The following UNC13B variants were observed in gnomAD, a reference collection of about 807,000 sequenced individuals.
UNC13B encodes protein unc-13 homolog B.
UNC13B carries 144 observed loss-of-function variants against 211.0 expected under a neutral mutation model. That is an observed-to-expected ratio of 0.68 (90% CI 0.60 to 0.78). The LOEUF (loss-of-function observed/expected upper bound fraction) is 0.78, where lower values mean the gene tolerates loss of function less well. UNC13B is among the 30% of genes least tolerant of loss of function. The pLI is 0.00. For synonymous variants in UNC13B, 709 were observed against 725.8 expected (o/e 0.98, Z 0.37); for missense variants, 1,777 against 2,002.0 (o/e 0.89, Z 2.14).
intron 11 of UNC13B, 129 bp downstream of exon 11, chr9:35,314,118 A>T: frequency 1.3e-6 from 1 of 769,840 alleles, no homozygotes; most frequent in Non-Finnish European, 2.3e-6. Context: ...ATGACAATTA[A>T]GCCAGAGCTT....
intron 6 of UNC13B, 143 bp downstream of exon 6, chr9:35,243,507 A>C: frequency 1.3e-6 from 1 of 785,454 alleles, no homozygotes; most frequent in Middle Eastern, 2.7e-4. Context: ...GGCAGCTAGA[A>C]GATTGCCTGA....
chr9:35,249,936 G>A (rs1826358832), intron 6 of UNC13B, among the ~76,000 whole-genome samples: 1 of 151,346 alleles, frequency 6.6e-6, no homozygotes, highest in Non-Finnish European at 1.5e-5. Flanking sequence ...CCACTGTGCT[G>A]TTTATCTTTT....
chr9:35,307,995 T>G lies in UNC13B; in HGVS notation c.8591T>G (p.Val2864Gly). Residue 2864 changes from valine to glycine, a missense_variant, in exon 9 of 40, where the codon GTT (valine) becomes GGT (glycine). By Grantham distance (109) the Val-to-Gly change is moderately radical. Transcript: ENST00000635942. ...EQMPTESSPP[V>G]LVTSSDQDLN... ...ATGCCTACAGAATCCTCCCCTCCAG[T>G]TTTAGTTACTAGCAGTGATCAGGAC... 1 of 399,000 alleles carries G rather than the reference T, an allele frequency of 2.5e-6. No individual in the cohort carries two copies. The allele number at this position is 399,000 out of a possible 1,614,324, so 24.7% of individuals were successfully genotyped here.
chr9:35,382,246 A>C, intron 20 of UNC13B, 111 bp from the exon 21 acceptor site: 22 of 1,364,164 alleles, frequency 1.6e-5, no homozygotes, highest in East Asian at 2.3e-5. Context: ...AAGAGAGGGC[A>C]GCAATTGCCC....
rs1829747374 is a variant in UNC13B at position 35,302,749 on chromosome 9, G to A, written c.3345G>A (p.Glu1115=). ...ASSVASDSSL[E]CISTTSKSTL... is the part of the protein sequence containing the mutation. ...CAGTAGCATCAGACTCTTCATTAGA[G>A]TGTATTTCTACCACTTCCAAATCCA... The change falls in exon 9 of 40, where the codon GAG becomes GAA. Residue 1115 remains glutamate, a synonymous_variant. Coordinates refer to ENST00000635942, the MANE Select transcript of UNC13B (RefSeq NM_001371189.2). 2 of 398,506 alleles carry A rather than the reference G, an allele frequency of 5.0e-6. No individual in the cohort carries two copies. The highest frequency in any genetic ancestry group is 8.9e-6 in the Non-Finnish European group (2 of 225,748). 24.7% of individuals were successfully genotyped at this position (398,506 alleles called of 1,614,324 possible). A position where few individuals can be genotyped will look rare whatever the true frequency, so the allele number is the denominator to read the frequency against.
At chr9:35,387,107 ACT>A (rs1835238016) in intron 24 of UNC13B, among the ~76,000 whole-genome samples, 1 of 152,066 alleles carries the variant, frequency 6.6e-6, no homozygotes, top group South Asian at 2.1e-4. Flanking sequence ...CATATATATA[ACT>A]CTAATCAAAA....
chr9:35,355,857 C>CTTCT lies in UNC13B; in HGVS notation c.9415-11088_9415-11085dup, dbSNP rs1014837098. Among the ~76,000 whole-genome samples the CTTCT allele has an allele frequency of 8.5e-5, 13 of 152,194 alleles. 1 individual carries two copies. The highest frequency in any genetic ancestry group is 1.0e-4 in the Non-Finnish European group (7 of 68,036). Reference sequence around the variant, plus strand: ...AGAAACAACAAATATCAAAGCAATACTTCTTACAAGCTCTTTAAATATTGG... The same window carrying CTTCT: ...AGAAACAACAAATATCAAAGCAATACTTCTTTCTTACAAGCTCTTTAAATATTGG... On this transcript the variant is annotated intron_variant, in intron 11 of 39. Coordinates refer to ENST00000635942, the MANE Select transcript of UNC13B (RefSeq NM_001371189.2).
At chr9:35,186,298 G>A (rs530868108) in intron 1 of UNC13B, among the ~76,000 whole-genome samples, 10 of 151,842 alleles carry the variant, frequency 6.6e-5, no homozygotes, top group African/African-American at 2.2e-4. Flanking sequence ...TGGCTTTCAC[G>A]GCTCCCTTAT....
chr9:35,230,996 T>C (rs1376442147), intron 2 of UNC13B, 124 bp from the exon 3 acceptor site: 5 of 623,540 alleles, frequency 8.0e-6, no homozygotes, highest in African/African-American at 7.3e-5. Context: ...TTGTACAATA[T>C]AGCTTAATTT....
rs753313955 is a variant in UNC13B at position 35,381,602 on chromosome 9, G to A, written c.10538G>A (p.Arg3513His). 6.2e-6 allele frequency: 10 copies of A among 1,614,068 alleles called. No homozygotes were observed. The highest frequency in any genetic ancestry group is 1.6e-4 in the Middle Eastern group (1 of 6,084). The change falls in exon 20 of 40, where the codon CGC becomes CAC. Residue 3513 changes from arginine to histidine, a missense_variant. Arg to His is a conservative substitution (Grantham distance 29). Transcript: ENST00000635942. ...LTDIQGSGGV[R>H]IPEARGDDAW... ...GACATTCAGGGCAGTGGAGGAGTCCGCATCCCTGAAGCTCGAGGAGACGAT... is the reference window on the plus strand; with the variant it reads ...GACATTCAGGGCAGTGGAGGAGTCCACATCCCTGAAGCTCGAGGAGACGAT...
At chr9:35,263,187 T>G (rs1313621142) in intron 7 of UNC13B, among the ~76,000 whole-genome samples, 2 of 152,136 alleles carry the variant, frequency 1.3e-5, no homozygotes, top group Non-Finnish European at 2.9e-5. Flanking sequence ...AAGATATATG[T>G]GCAAAGATGT....
intron 29 of UNC13B, 86 bp downstream of exon 29, chr9:35,397,396 T>C (rs1835955621): frequency 1.9e-6 from 3 of 1,563,396 alleles, no homozygotes; most frequent in Non-Finnish European, 2.6e-6. Flanking sequence ...ACCTCTCCAC[T>C]GTGGCCTCCT....
intron 1 of UNC13B, among the ~76,000 whole-genome samples, chr9:35,176,823 C>A (rs1182923318): frequency 6.6e-6 from 1 of 152,032 alleles, no homozygotes; most frequent in Non-Finnish European, 1.5e-5. Flanking sequence ...TCAGAGAAGT[C>A]CTCCCTAATG....
chr9:35,205,031 A>G (rs1051867252), intron 1 of UNC13B, among the ~76,000 whole-genome samples: 11 of 152,198 alleles, frequency 7.2e-5, no homozygotes, highest in Admixed American at 3.9e-4. Flanking sequence ...TGGAGTTCTC[A>G]TGAATGGGTT....
intron 18 of UNC13B, among the ~76,000 whole-genome samples, 164 bp downstream of exon 18, chr9:35,380,803 A>C (rs986155843): frequency 2.6e-5 from 4 of 152,140 alleles, no homozygotes; most frequent in Non-Finnish European, 5.9e-5. Context: ...GGGACAGAGG[A>C]GTGGCAGTGG....
At chr9:35,382,666 G>C (rs979525653) in intron 21 of UNC13B, among the ~76,000 whole-genome samples, 159 bp downstream of exon 21, 2 of 151,300 alleles carry the variant, frequency 1.3e-5, no homozygotes, top group African/African-American at 2.4e-5. Flanking sequence ...GGGTTCAAGC[G>C]ATTCTCCTTT....
chr9:35,300,749 G>A lies in UNC13B; in HGVS notation c.1345G>A (p.Glu449Lys), dbSNP rs1006026340. The A allele has an allele frequency of 1.5e-5, 6 of 398,812 alleles. No homozygotes were observed. Among genetic ancestry groups the A allele is most frequent in the African/African-American group, 1.2e-4 (6 of 48,612 alleles). The allele number at this position is 398,812 out of a possible 1,614,324, so 24.7% of individuals were successfully genotyped here. ...AGAAGAGATAACCCCTTCCTCTATTGAGGAGCCCAAGGAGGACCGTATTGA... is the reference window on the plus strand; with the variant it reads ...AGAAGAGATAACCCCTTCCTCTATTAAGGAGCCCAAGGAGGACCGTATTGA... ...SIEEITPSSI[E>K]EPKEDRIDTM... The change falls in exon 9 of 40, where the codon GAG (glutamate) becomes AAG (lysine). Residue 449 changes from glutamate to lysine, a missense_variant. Transcript: ENST00000635942.
In UNC13B at chr9:35,312,356, C is replaced by A. The variant is rs191148016; in HGVS notation, c.9324-1543C>A. Among the ~76,000 whole-genome samples the A allele has an allele frequency of 1.8e-3, 274 of 152,236 alleles. 1 individual carries two copies. Among genetic ancestry groups the A allele is most frequent in the African/African-American group, 6.3e-3 (262 of 41,536 alleles). ...CTTCTTCCCTTTTTTGGTTTTTGGT[C>A]ATCTCTGGTAGCTCATCTAATAGAT... On this transcript the variant is annotated intron_variant, in intron 10 of 39. Transcript: ENST00000635942.
chr9:35,242,886 C>T lies in UNC13B; in HGVS notation c.395-405C>T, dbSNP rs114474959. ...CTTTGAATTTTGAGCATCTCAATAT[C>T]TCAGCATATAACTTTTCTTTTAAGC... is the stretch of plus-strand genomic sequence containing the variant. On this transcript the variant is annotated intron_variant, in intron 5 of 39. Transcript: ENST00000635942. 9.9e-3 allele frequency among the ~76,000 whole-genome samples: 1,512 copies of T among 152,238 alleles called. 27 individuals are homozygous for T. The highest frequency in any genetic ancestry group is 0.035 in the African/African-American group (1,458 of 41,550).
Sources: gnomAD v4.1 joint callset for allele counts (sites outside exome capture counted in the v4.1 genomes callset) on GRCh38, gnomAD v4.1.1 for gene constraint, MANE v1.5 for transcripts, NCBI Gene and HGNC (gene_info 2026-07-23, HGNC 2026-07-21) for gene names.